ACOXL: variants seen among roughly 807,000 people sequenced by gnomAD.
The protein encoded by ACOXL is acyl-coenzyme A oxidase-like protein.
ACOXL carries 70 observed loss-of-function variants against 71.9 expected under a neutral mutation model. The observed-to-expected ratio is 0.97, with a 90% CI of 0.80 to 1.19. ACOXL has a LOEUF of 1.19. Among genes scored for constraint, ACOXL ranks in the 50% most tolerant of loss-of-function variants. The probability of loss-of-function intolerance (pLI) is 0.00; values close to 1 mark genes in which losing one functional copy is unlikely to be tolerated. For synonymous variants in ACOXL, 253 were observed against 281.6 expected (o/e 0.90, Z 1.02); for missense variants, 703 against 736.3 (o/e 0.95, Z 0.52).
chr2:110,777,755 C>CGGAG (rs1682829248), intron 2 of ACOXL, among the ~76,000 whole-genome samples: 1 of 152,176 alleles, frequency 6.6e-6, no homozygotes, highest in Non-Finnish European at 1.5e-5. Flanking sequence ...ACACTGGCCA[C>CGGAG]GGAGGCTGCA....
At chr2:110,882,704 C>CTGTT (rs2149101271) in intron 10 of ACOXL, among the ~76,000 whole-genome samples, 2 of 152,244 alleles carry the variant, frequency 1.3e-5, no homozygotes, top group East Asian at 3.9e-4. Flanking sequence ...GGGTATCCAA[C>CTGTT]TGTTCCAGGT....
chr2:111,008,493 T>C (rs923571801), intron 14 of ACOXL, among the ~76,000 whole-genome samples: 1 of 152,236 alleles, frequency 6.6e-6, no homozygotes, highest in African/African-American at 2.4e-5. Flanking sequence ...ATCTATGTTA[T>C]GGATATACTG....
At chr2:110,829,536 G>C (rs113582892) in intron 9 of ACOXL, among the ~76,000 whole-genome samples, 2 of 152,352 alleles carry the variant, frequency 1.3e-5, no homozygotes, top group African/African-American at 4.8e-5. Context: ...CCAGGTCAGA[G>C]CAGTGTCTGT....
At chr2:111,082,965 A>G (rs1049359233) in intron 16 of ACOXL, among the ~76,000 whole-genome samples, 2 of 152,086 alleles carry the variant, frequency 1.3e-5, no homozygotes, top group African/African-American at 4.8e-5. Flanking sequence ...GTTCTCACTC[A>G]TAAGTGGGAG....
intron 10 of ACOXL, among the ~76,000 whole-genome samples, chr2:110,843,817 A>G (rs1309557294): frequency 6.6e-6 from 1 of 152,248 alleles, no homozygotes; most frequent in Non-Finnish European, 1.5e-5. Context: ...AGAGCAATTA[A>G]CAAATATCAT....
At chr2:110,976,689 C>T (rs989055055) in intron 12 of ACOXL, among the ~76,000 whole-genome samples, 1 of 152,078 alleles carries the variant, frequency 6.6e-6, no homozygotes, top group Admixed American at 6.5e-5. Flanking sequence ...ACAATTAGTC[C>T]AAATTTGAAC....
chr2:110,988,496 G>T (rs557941890), intron 13 of ACOXL, among the ~76,000 whole-genome samples: 114 of 151,940 alleles, frequency 7.5e-4, no homozygotes, highest in Non-Finnish European at 1.3e-3. Context: ...TTAGTTATTT[G>T]CAATCTGTTG....
At chr2:110,941,050 A>G (rs1446631642) in intron 12 of ACOXL, among the ~76,000 whole-genome samples, 1 of 152,204 alleles carries the variant, frequency 6.6e-6, no homozygotes, top group African/African-American at 2.4e-5. Context: ...AAGAAAGAAA[A>G]ATTGTCCACA....
intron 14 of ACOXL, among the ~76,000 whole-genome samples, chr2:111,027,684 G>C (rs766606361): frequency 6.6e-6 from 1 of 152,074 alleles, no homozygotes; most frequent in Non-Finnish European, 1.5e-5. Context: ...ATCATATATC[G>C]TTATGGTTAT....
rs546561389 is a variant in ACOXL, at chr2:111,045,705, C to T, written c.1370-3513C>T. On this transcript the variant is annotated intron_variant, in intron 15 of 17. Coordinates refer to ENST00000439055, the MANE Select transcript of ACOXL (RefSeq NM_001142807.4). ...TGGGGTGAGGGGAGAGAGAAACCTGCACTGGCATAGTAGCCTGTGTCACAC... is the reference window on the plus strand; with the variant it reads ...TGGGGTGAGGGGAGAGAGAAACCTGTACTGGCATAGTAGCCTGTGTCACAC... Among the ~76,000 whole-genome samples the T allele has an allele frequency of 5.3e-5, 8 of 152,274 alleles. 1 individual carries two copies. The South Asian group carries it at 1.7e-3, about 32-fold the overall frequency.
intron 13 of ACOXL, among the ~76,000 whole-genome samples, chr2:110,987,905 T>G (rs1005757163): frequency 4.6e-5 from 7 of 152,160 alleles, no homozygotes; most frequent in Admixed American, 3.3e-4. Flanking sequence ...AAAAACCCTG[T>G]ACATGTTTTC....
At chr2:110,794,881 C>T (rs1218227198) in intron 5 of ACOXL, among the ~76,000 whole-genome samples, 1 of 152,092 alleles carries the variant, frequency 6.6e-6, no homozygotes. Context: ...TGGGTCATAA[C>T]ATACCCTCGG....
At chr2:110,846,086 C>G (rs1267179533) in intron 10 of ACOXL, among the ~76,000 whole-genome samples, 2 of 152,050 alleles carry the variant, frequency 1.3e-5, no homozygotes, top group African/African-American at 4.8e-5. Context: ...AAGGGGTCCT[C>G]TTTGTGTGGG....
At chr2:111,093,418 G>A (rs936219187) in intron 17 of ACOXL, 14 of 1,609,342 alleles carry the variant, frequency 8.7e-6, no homozygotes, top group Non-Finnish European at 1.2e-5. Flanking sequence ...AAATGCTACT[G>A]CAAAGAAAAA....
At chr2:110,775,740 C>A (rs1161663840) in intron 2 of ACOXL, among the ~76,000 whole-genome samples, 2 of 151,930 alleles carry the variant, frequency 1.3e-5, no homozygotes, top group Non-Finnish European at 2.9e-5. Context: ...AAACAAAAAA[C>A]CAGAAAAGAA....
chr2:110,935,740 C>G (rs1347936399), intron 12 of ACOXL, among the ~76,000 whole-genome samples: 1 of 152,170 alleles, frequency 6.6e-6, no homozygotes. Flanking sequence ...TCCATAACAA[C>G]CAGTCCTCTA....
intron 12 of ACOXL, among the ~76,000 whole-genome samples, chr2:110,936,084 A>G (rs532300487): frequency 6.6e-6 from 1 of 152,016 alleles, no homozygotes; most frequent in African/African-American, 2.4e-5. Context: ...CCCGGTTCCT[A>G]ATAGGCCATG....
At chr2:110,989,228 A>C (rs2063069898) in intron 13 of ACOXL, among the ~76,000 whole-genome samples, 1 of 152,072 alleles carries the variant, frequency 6.6e-6, no homozygotes, top group South Asian at 2.1e-4. Flanking sequence ...TTGTTCCGGC[A>C]CCGTTTACTG....
At position 110,947,738 on chromosome 2, in the gene ACOXL, G is replaced by A. The variant is rs1473267688; in HGVS notation, c.1059+14096G>A. On this transcript the variant is annotated intron_variant, in intron 12 of 17. Coordinates refer to ENST00000439055, the MANE Select transcript of ACOXL (RefSeq NM_001142807.4). Reference sequence around the variant, plus strand: ...GCCACTGCTGACACCAAAGCATGGGGGTCTACAGGTCTGGGACCAGAACAC... The same window carrying A: ...GCCACTGCTGACACCAAAGCATGGGAGTCTACAGGTCTGGGACCAGAACAC... 4.6e-5 allele frequency among the ~76,000 whole-genome samples: 7 copies of A among 152,228 alleles called. No homozygotes were observed. In the East Asian group the frequency reaches 1.2e-3, roughly 25 times the overall value.
Sources: allele counts gnomAD v4.1 joint callset (sites outside exome capture counted in the v4.1 genomes callset), GRCh38; gene constraint gnomAD v4.1.1; transcripts MANE v1.5; gene names NCBI Gene and HGNC (gene_info 2026-07-23, HGNC 2026-07-21).